UGT3A1: variants seen among roughly 807,000 people sequenced by gnomAD.
The protein encoded by UGT3A1 is UDP-glycosyltransferase 3A1.
In UGT3A1, 40 loss-of-function variants were observed where a neutral mutation model predicts 37.6. The ratio of observed to expected loss-of-function variants is 1.06; its 90% confidence interval spans 0.83 to 1.38. The LOEUF (loss-of-function observed/expected upper bound fraction) is 1.38. UGT3A1 is among the 40% of genes most tolerant of loss of function. UGT3A1 has a pLI of 0.00. For missense variants in UGT3A1, 642 were observed against 634.2 expected, an observed-to-expected ratio of 1.01 and a Z score of -0.13; for synonymous variants, 256 against 232.3, an observed-to-expected ratio of 1.10 and a Z score of -0.93.
intron 2 of UGT3A1, among the ~76,000 whole-genome samples, chr5:35,970,833 A>G (rs193290025): frequency 6.6e-6 from 1 of 152,260 alleles, no homozygotes; most frequent in East Asian, 1.9e-4. Context: ...TAAAATCCCA[A>G]TTTGGACTAT....
chr5:35,990,923 G>A (rs916216284), intron 1 of UGT3A1: 15 of 1,413,756 alleles, frequency 1.1e-5, no homozygotes, highest in Non-Finnish European at 1.1e-5. Flanking sequence ...CAAGAAGAGA[G>A]AAGAAAGGAG....
chr5:35,965,635 C>G lies in UGT3A1; in HGVS notation c.594G>C (p.Trp198Cys), dbSNP rs776628009. 55 of 1,614,006 alleles carry G rather than the reference C, an allele frequency of 3.4e-5. No individual in the cohort carries two copies. Among genetic ancestry groups the G allele is most frequent in the Non-Finnish European group, 4.1e-5 (48 of 1,180,044 alleles). The part of the protein sequence containing the change: ...PSLLTDHMDF[W>C]GRVKNFLMFF... ...ACATCAGAAAATTCTTCACTCGGCCCCAGAAGTCCATGTGATCAGTCAGCA... is the reference window on the plus strand; with the variant it reads ...ACATCAGAAAATTCTTCACTCGGCCGCAGAAGTCCATGTGATCAGTCAGCA... Residue 198 changes from tryptophan to cysteine, a missense_variant, in exon 4 of 7, where the codon TGG (tryptophan) becomes TGC (cysteine). Coordinates refer to ENST00000274278, the MANE Select transcript of UGT3A1 (RefSeq NM_152404.4).
At position 35,965,369 on chromosome 5, in the gene UGT3A1, G is replaced by T. The variant is rs745378303; in HGVS notation, c.843+17C>A. 1 of 1,609,304 alleles carries T rather than the reference G, an allele frequency of 6.2e-7. No homozygotes were observed. Among genetic ancestry groups the T allele is most frequent in the Non-Finnish European group, 8.5e-7 (1 of 1,177,000 alleles). On this transcript the variant is annotated intron_variant, in intron 4 of 6. Transcript: ENST00000274278. ...ACTCTATGTGAATCCCAAACTGAAT[G>T]CTGAGGGTTCACTTACTTGTGGTAC...
At position 35,951,414 on chromosome 5, in the gene UGT3A1, A is replaced by T. The variant is rs1455841434; in HGVS notation, c.*2788T>A. Reference sequence around the variant, plus strand: ...TACTTTCCTTTTTCTTATAAAAAAAAGGATACATCCTATAGTTACTCTTAC... The same window carrying T: ...TACTTTCCTTTTTCTTATAAAAAAATGGATACATCCTATAGTTACTCTTAC... On this transcript the variant is annotated 3_prime_UTR_variant, in exon 7 of 7. Transcript: ENST00000274278. 5 of 152,200 alleles carry T rather than the reference A, an allele frequency of 3.3e-5. No individual in the cohort carries two copies. Among genetic ancestry groups the T allele is most frequent in the Non-Finnish European group, 7.4e-5 (5 of 68,000 alleles). The allele number at this position is 152,200 out of a possible 1,614,324, so 9.4% of individuals were successfully genotyped here. A position where few individuals can be genotyped will look rare whatever the true frequency, so the allele number is the denominator to read the frequency against.
At chr5:35,979,428 T>C (rs62352020) in intron 2 of UGT3A1, among the ~76,000 whole-genome samples, 34,788 of 152,024 alleles carry the variant, frequency 0.23, 4,375 homozygotes, top group Non-Finnish European at 0.28. Context: ...CTAAATCATC[T>C]CCCTCAAGTT....
rs768385460 is a variant in UGT3A1 at position 35,991,173 on chromosome 5, G to A, written c.68C>T (p.Ala23Val). Residue 23 changes from alanine to valine, a missense_variant, in exon 1 of 7, where the codon GCC (alanine) becomes GTC (valine). By Grantham distance (64) the Ala-to-Val change is moderately conservative. Coordinates refer to ENST00000274278, the MANE Select transcript of UGT3A1 (RefSeq NM_152404.4). ...CAGTGTAGATATTGTCAGGATTTTG[G>A]CAGCCTCTGAGAGCAGGACCCCAGA... ...LLSGVLLSEA[A>V]KILTISTLGG... 6.2e-7 allele frequency: 1 copy of A among 1,613,752 alleles called. No individual in the cohort carries two copies. The highest frequency in any genetic ancestry group is 8.5e-7 in the Non-Finnish European group (1 of 1,179,922).
intron 4 of UGT3A1, chr5:35,960,938 C>A: frequency 6.5e-6 from 1 of 154,452 alleles, no homozygotes; most frequent in East Asian, 1.8e-4. Flanking sequence ...TCTGCCACAC[C>A]ATTATGCCAT....
rs1739231818 is a variant in UGT3A1 at position 35,953,260 on chromosome 5, C to T, written c.*942G>A. The stretch of plus-strand genomic sequence containing the variant: ...AAGAAAAGATATGGGCTATTGATGA[C>T]ATGATGGAGCAACCAACCACAACAG... On this transcript the variant is annotated 3_prime_UTR_variant, in exon 7 of 7. Transcript: ENST00000274278. The T allele has an allele frequency of 6.6e-6, 1 of 152,332 alleles. No homozygotes were observed. Among genetic ancestry groups the T allele is most frequent in the Non-Finnish European group, 1.5e-5 (1 of 68,036 alleles). 9.4% of individuals were successfully genotyped at this position (152,332 alleles called of 1,614,324 possible).
upstream of UGT3A1, among the ~76,000 whole-genome samples, chr5:35,995,310 A>G (rs888754046): frequency 6.6e-6 from 1 of 152,276 alleles, no homozygotes; most frequent in South Asian, 2.1e-4. Context: ...CAATGGCAGC[A>G]TCTCATCTGG....
intron 2 of UGT3A1, among the ~76,000 whole-genome samples, chr5:35,984,012 T>C (rs923612229): frequency 6.6e-5 from 10 of 152,198 alleles, no homozygotes; most frequent in African/African-American, 2.4e-4. Flanking sequence ...ATGCCCACTT[T>C]CACTACTTTT....
chr5:35,975,311 T>C (rs1056928395), intron 2 of UGT3A1, among the ~76,000 whole-genome samples: 25 of 152,356 alleles, frequency 1.6e-4, no homozygotes, highest in Middle Eastern at 3.4e-3. Flanking sequence ...ACAACATTGA[T>C]TGCCTGATTA....
chr5:35,954,378 C>G lies in UGT3A1; in HGVS notation c.1396G>C (p.Gly466Arg), dbSNP rs761693364. Residue 466 changes from glycine (G) to arginine (R), a missense_variant, in exon 7 of 7, where the codon GGG becomes CGG. Gly to Arg is a moderately radical substitution (Grantham distance 125). Transcript: ENST00000274278. ...TAGGGCTTGAGGTGCGTCGCTCCCC[C>G]AGTCTGGAGGATGTGGTCGATCCAG... ...VGWIDHILQT[G>R]GATHLKPYAF... 1.9e-6 allele frequency: 3 copies of G among 1,614,234 alleles called. No individual in the cohort carries two copies. The highest frequency in any genetic ancestry group is 3.3e-5 in the Admixed American group (2 of 60,030).
At chr5:35,977,327 A>C (rs1740329216) in intron 2 of UGT3A1, among the ~76,000 whole-genome samples, 1 of 152,238 alleles carries the variant, frequency 6.6e-6, no homozygotes, top group Non-Finnish European at 1.5e-5. Flanking sequence ...ATAACTCATA[A>C]ACACAATATG....
intron 2 of UGT3A1, among the ~76,000 whole-genome samples, chr5:35,976,744 G>A (rs918044587): frequency 6.6e-6 from 1 of 152,024 alleles, no homozygotes; most frequent in Admixed American, 6.6e-5. Flanking sequence ...GCTGAGGTAA[G>A]AGGATTGCTT....
intron 4 of UGT3A1, among the ~76,000 whole-genome samples, chr5:35,958,796 C>A (rs1006910863): frequency 3.3e-5 from 5 of 152,196 alleles, no homozygotes; most frequent in African/African-American, 1.2e-4. Context: ...TTTCCCTCAG[C>A]CAGAAGGAGC....
intron 2 of UGT3A1, among the ~76,000 whole-genome samples, chr5:35,972,110 G>A (rs540338685): frequency 6.6e-6 from 1 of 152,222 alleles, no homozygotes; most frequent in South Asian, 2.1e-4. Context: ...AGAGAAGGAA[G>A]CCATAAAACA....
intron 4 of UGT3A1, among the ~76,000 whole-genome samples, chr5:35,959,944 T>TTCA (rs3061547): frequency 0.79 from 119,574 of 151,752 alleles, 47,211 homozygotes; most frequent in South Asian, 0.91. Flanking sequence ...GGAAAACAAT[T>TTCA]TCAACAATAA....
intron 2 of UGT3A1, among the ~76,000 whole-genome samples, chr5:35,979,330 T>C (rs982451167): frequency 3.9e-5 from 6 of 152,168 alleles, no homozygotes; most frequent in African/African-American, 1.4e-4. Context: ...CTGCTTCCCT[T>C]ACAAACTTAT....
intron 2 of UGT3A1, among the ~76,000 whole-genome samples, chr5:35,980,139 A>G (rs969655176): frequency 1.3e-5 from 2 of 148,802 alleles, no homozygotes; most frequent in African/African-American, 4.8e-5. Context: ...TTTATTATTT[A>G]CAAGTCAATA....
Sources: gnomAD v4.1 joint callset for allele counts (sites outside exome capture counted in the v4.1 genomes callset) on GRCh38, gnomAD v4.1.1 for gene constraint, MANE v1.5 for transcripts, NCBI Gene and HGNC (gene_info 2026-07-23, HGNC 2026-07-21) for gene names.